The following SLC35F3 variants were observed in gnomAD, a reference collection of about 807,000 sequenced individuals.
The protein encoded by SLC35F3 is putative thiamine transporter SLC35F3.
A neutral mutation model predicts 49.9 loss-of-function variants in SLC35F3; 25 were observed. The ratio of observed to expected loss-of-function variants is 0.50; its 90% CI spans 0.37 to 0.70. SLC35F3 has a LOEUF of 0.70. Among genes scored for constraint, SLC35F3 ranks in the 30% least tolerant of loss-of-function variants. The probability of loss-of-function intolerance (pLI) is 0.00; values close to 1 mark genes in which losing one functional copy is unlikely to be tolerated. For synonymous variants in SLC35F3, 275 were observed against 265.4 expected (o/e 1.04, Z -0.35); for missense variants, 525 against 639.8 (o/e 0.82, Z 1.94).
At chr1:233,982,463 C>T (rs1475858340) in intron 2 of SLC35F3, among the ~76,000 whole-genome samples, 2 of 152,080 alleles carry the variant, frequency 1.3e-5, no homozygotes, top group Non-Finnish European at 2.9e-5. Flanking sequence ...CAACCTCTGT[C>T]TCCCGGGTTC....
intron 3 of SLC35F3, among the ~76,000 whole-genome samples, chr1:234,266,873 G>GTTT (rs34040004): frequency 0.01 from 1,094 of 108,546 alleles, 24 homozygotes; most frequent in Non-Finnish European, 0.014. Context: ...GAAGCACATG[G>GTTT]TTTTTTTTTT....
At chr1:234,134,569 G>C (rs1245586046) in intron 2 of SLC35F3, among the ~76,000 whole-genome samples, 1 of 151,314 alleles carries the variant, frequency 6.6e-6, no homozygotes, top group Admixed American at 6.6e-5. Context: ...AATAAAACTG[G>C]ATAAAAGGAC....
intron 3 of SLC35F3, among the ~76,000 whole-genome samples, chr1:234,303,703 G>A (rs1668727968): frequency 6.6e-6 from 1 of 152,226 alleles, no homozygotes; most frequent in South Asian, 2.1e-4. Context: ...TTGTGGTGGT[G>A]TCTGATGAAA....
intron 2 of SLC35F3, among the ~76,000 whole-genome samples, chr1:234,067,651 G>A (rs993608281): frequency 2.6e-5 from 4 of 152,266 alleles, no homozygotes; most frequent in African/African-American, 7.2e-5. Flanking sequence ...AAGAAATCAC[G>A]TGGCAAAGAG....
chr1:234,088,745 C>A (rs1290746833), intron 2 of SLC35F3, among the ~76,000 whole-genome samples: 1 of 152,094 alleles, frequency 6.6e-6, no homozygotes, highest in Non-Finnish European at 1.5e-5. Flanking sequence ...AGGAATGTTA[C>A]AGAACACAGA....
intron 3 of SLC35F3, among the ~76,000 whole-genome samples, chr1:234,288,164 G>T (rs921567183): frequency 7.2e-5 from 11 of 152,164 alleles, no homozygotes; most frequent in African/African-American, 2.4e-4. Flanking sequence ...TAGGATTACA[G>T]GTGTAAACCA....
At chr1:234,198,593 G>A (rs1666849525) in intron 2 of SLC35F3, among the ~76,000 whole-genome samples, 3 of 128,938 alleles carry the variant, frequency 2.3e-5, no homozygotes, top group South Asian at 2.7e-4. Flanking sequence ...CAGGTATGAA[G>A]TGGTACCTCA....
intron 5 of SLC35F3, among the ~76,000 whole-genome samples, chr1:234,318,383 G>C (rs1657540186): frequency 6.6e-6 from 1 of 152,200 alleles, no homozygotes; most frequent in Non-Finnish European, 1.5e-5. Flanking sequence ...GGGAGCAGTG[G>C]TGTTCAACCT....
chr1:234,039,373 G>A (rs1441900911), intron 2 of SLC35F3, among the ~76,000 whole-genome samples: 1 of 152,170 alleles, frequency 6.6e-6, no homozygotes, highest in African/African-American at 2.4e-5. Flanking sequence ...TCAATGCATA[G>A]AAGTACAAGC....
At chr1:234,021,360 C>G (rs1379720660) in intron 2 of SLC35F3, among the ~76,000 whole-genome samples, 1 of 152,198 alleles carries the variant, frequency 6.6e-6, no homozygotes, top group African/African-American at 2.4e-5. Context: ...GCTCCCTCAT[C>G]ATCAGAAACC....
intron 2 of SLC35F3, among the ~76,000 whole-genome samples, chr1:234,195,808 C>T (rs999791013): frequency 2.0e-5 from 3 of 152,064 alleles, no homozygotes; most frequent in Non-Finnish European, 4.4e-5. Context: ...GCGGTTTCCC[C>T]CATACTGTTT....
At chr1:234,211,483 G>T (rs1398559443) in intron 2 of SLC35F3, among the ~76,000 whole-genome samples, 1 of 152,220 alleles carries the variant, frequency 6.6e-6, no homozygotes, top group Non-Finnish European at 1.5e-5. Flanking sequence ...AGGCAGAGCT[G>T]CCCAAGAACA....
intron 2 of SLC35F3, among the ~76,000 whole-genome samples, chr1:233,931,670 T>C (rs1436919955): frequency 1.3e-5 from 2 of 152,066 alleles, no homozygotes; most frequent in African/African-American, 4.8e-5. Flanking sequence ...TGTGGAGAAA[T>C]AGGAACGCTT....
In SLC35F3 at chr1:234,067,162, T is replaced by C. The variant is rs1320140888; in HGVS notation, c.283+161404T>C. 3.3e-5 allele frequency among the ~76,000 whole-genome samples: 5 copies of C among 152,172 alleles called. No homozygotes were observed. In the East Asian group the frequency reaches 9.6e-4, roughly 29 times the overall value. On this transcript the variant is annotated intron_variant, in intron 2 of 7. Coordinates refer to ENST00000366618, the MANE Select transcript of SLC35F3 (RefSeq NM_173508.4). The stretch of plus-strand genomic sequence containing the variant: ...ATATTGCAGAGGCAATTGTGATTTT[T>C]TTTTCTACCTACACACTGCAAATGA...
chr1:234,096,885 C>CTTTTTTTTTTT (rs34404610), intron 2 of SLC35F3, among the ~76,000 whole-genome samples: 1 of 132,104 alleles, frequency 7.6e-6, no homozygotes. Flanking sequence ...TTGTTAAATT[C>CTTTTTTTTTTT]TTTTTTTTTT....
intron 2 of SLC35F3, among the ~76,000 whole-genome samples, chr1:233,943,177 G>A (rs1009929617): frequency 2.0e-5 from 3 of 152,124 alleles, no homozygotes; most frequent in African/African-American, 7.2e-5. Context: ...AATGGATAAC[G>A]CTCTGTGACA....
intron 2 of SLC35F3, among the ~76,000 whole-genome samples, chr1:234,043,433 G>T (rs4920168): frequency 6.6e-6 from 1 of 151,852 alleles, no homozygotes; most frequent in African/African-American, 2.4e-5. Context: ...TAATATAAAA[G>T]GTAAATATAT....
intron 2 of SLC35F3, among the ~76,000 whole-genome samples, chr1:233,944,273 A>C (rs1198751327): frequency 6.6e-6 from 1 of 152,210 alleles, no homozygotes; most frequent in African/African-American, 2.4e-5. Flanking sequence ...AAAAAGTAAT[A>C]AAATAGACTG....
intron 2 of SLC35F3, among the ~76,000 whole-genome samples, chr1:234,142,399 G>T (rs899146592): frequency 2.5e-4 from 38 of 152,158 alleles, no homozygotes; most frequent in Admixed American, 1.2e-3. Flanking sequence ...CCACGGCCCT[G>T]AGCAGCCTGG....
Sources: allele counts gnomAD v4.1 joint callset (sites outside exome capture counted in the v4.1 genomes callset), GRCh38; gene constraint gnomAD v4.1.1; transcripts MANE v1.5; gene names NCBI Gene and HGNC (gene_info 2026-07-23, HGNC 2026-07-21).